Variants in IPO8 observed in about 807,000 individuals in gnomAD.
IPO8 encodes the protein importin 8.
In IPO8, 65 loss-of-function variants were observed where a neutral mutation model predicts 141.2. That is an observed-to-expected ratio of 0.46 (90% CI 0.38 to 0.57). The LOEUF (loss-of-function observed/expected upper bound fraction) is 0.57, where lower values mean the gene tolerates loss of function less well. IPO8 is among the 20% of genes least tolerant of loss of function. The pLI, the probability that IPO8 is intolerant of heterozygous loss-of-function variation, is 0.00. For missense variants in IPO8, 980 were observed against 1,246.8 expected (o/e 0.79, Z 3.22); for synonymous variants, 411 against 420.3 (o/e 0.98, Z 0.27).
At chr12:30,691,824 T>C (rs891146182) in intron 1 of IPO8, among the ~76,000 whole-genome samples, 3 of 152,240 alleles carry the variant, frequency 2.0e-5, no homozygotes, top group Admixed American at 2.0e-4. Context: ...TTTAAAAATA[T>C]TAATCTTTTT....
chr12:30,673,943 CT>C, intron 8 of IPO8, 46 bp downstream of exon 8: 1 of 1,160,816 alleles, frequency 8.6e-7, no homozygotes, highest in Non-Finnish European at 1.2e-6. Context: ...AATGCCTTTA[CT>C]TTCAGTAGTA....
intron 10 of IPO8, among the ~76,000 whole-genome samples, chr12:30,667,205 C>T (rs1280022394): frequency 6.6e-6 from 1 of 152,224 alleles, no homozygotes; most frequent in Non-Finnish European, 1.5e-5. Flanking sequence ...GTATTCTATG[C>T]TAAGCAGTTA....
rs187184384 is a variant in IPO8, at chr12:30,653,123, C to T, written c.1949-31G>A. 122 of 1,596,880 alleles carry T rather than the reference C, an allele frequency of 7.6e-5. No individual in the cohort carries two copies. In the African/African-American group the frequency reaches 1.5e-3, roughly 20 times the overall value. The stretch of plus-strand genomic sequence containing the variant: ...AGAAAGAAAATCTCTAGTTAGAATG[C>T]TAGGAAATAGCAAAAGTTAAAACAA... On this transcript the variant is annotated intron_variant, in intron 17 of 24. Transcript: ENST00000256079.
chr12:30,693,999 A>G (rs1400185454), intron 1 of IPO8, among the ~76,000 whole-genome samples: 2 of 152,182 alleles, frequency 1.3e-5, no homozygotes, highest in Admixed American at 6.5e-5. Flanking sequence ...TTCCACTTCT[A>G]TAACATCAAC....
At chr12:30,686,652 G>A (rs1412485528) in intron 2 of IPO8, 1 of 152,026 alleles carries the variant, frequency 6.6e-6, no homozygotes, top group Non-Finnish European at 1.5e-5. Context: ...TGATTTCACA[G>A]GATCAATCTT....
In IPO8 at chr12:30,630,162, T is replaced by TACC. The variant is rs1303096651; in HGVS notation, c.*695_*697dup. The TACC allele has an allele frequency of 2.0e-5, 3 of 151,876 alleles. No homozygotes were observed. The East Asian group carries it at 5.8e-4, about 29-fold the overall frequency. 9.4% of individuals were successfully genotyped at this position (151,876 alleles called of 1,614,324 possible). A position where few individuals can be genotyped will look rare whatever the true frequency, so the allele number is the denominator to read the frequency against. On this transcript the variant is annotated 3_prime_UTR_variant, in exon 25 of 25. Transcript: ENST00000256079. ...GTGTATTTGTTGACCCCAAAAGAAA[T>TACC]ACCACCCCTTTTCAAGGCAGAAAAA... is the stretch of plus-strand genomic sequence containing the variant.
intron 20 of IPO8, among the ~76,000 whole-genome samples, chr12:30,644,466 T>C (rs2052614979): frequency 6.6e-6 from 1 of 151,560 alleles, no homozygotes; most frequent in Non-Finnish European, 1.5e-5. Flanking sequence ...CAATAAAGCT[T>C]GGGGGTAGGC....
At chr12:30,661,463 AACTATTATATCC>A (rs1294150987) in intron 15 of IPO8, among the ~76,000 whole-genome samples, 197 bp from the exon 16 acceptor site, 1 of 152,180 alleles carries the variant, frequency 6.6e-6, no homozygotes, top group Admixed American at 6.5e-5. Context: ...TATTTACATT[AACTATTATATCC>A]AGAGAGCTAA....
Position 30,666,225 on chromosome 12 carries a change from T to G in IPO8, c.1171A>C (p.Thr391Pro), listed in dbSNP as rs965391201. The change falls in exon 11 of 25, where the codon ACC (threonine) becomes CCC (proline). Residue 391 changes from threonine to proline, a missense_variant. Around this residue, in one of 3 missense-constraint regions of IPO8, gnomAD observed 924 missense variants for 1,153.9 expected, o/e 0.80. Coordinates refer to ENST00000256079, the MANE Select transcript of IPO8 (RefSeq NM_006390.4). ...TATAAGAGAGTCTGGGCTGCTGTGG[T>G]GGGAGAAGCATAATCTTCAAAAATA... ...FDIFEDYASP[T>P]TAAQTLLYTA... 6.3e-7 allele frequency: 1 copy of G among 1,593,394 alleles called. No individual in the cohort carries two copies. The highest frequency in any genetic ancestry group is 1.4e-5 in the African/African-American group (1 of 73,976).
intron 8 of IPO8, among the ~76,000 whole-genome samples, chr12:30,672,394 C>T (rs1264865882): frequency 3.9e-5 from 6 of 152,232 alleles, no homozygotes; most frequent in East Asian, 3.9e-4. Flanking sequence ...CTTTCTAATA[C>T]AGATGTGGCT....
intron 19 of IPO8, among the ~76,000 whole-genome samples, chr12:30,650,551 C>G (rs1287309718): frequency 2.0e-5 from 3 of 152,016 alleles, no homozygotes; most frequent in Non-Finnish European, 4.4e-5. Flanking sequence ...AGGTTCAAAC[C>G]GCAGCTCTTC....
chr12:30,652,560 A>G (rs2052742812), intron 18 of IPO8, among the ~76,000 whole-genome samples: 2 of 151,872 alleles, frequency 1.3e-5, no homozygotes, highest in South Asian at 2.1e-4. Context: ...CATACTTTAT[A>G]TTTTCTTGCT....
At chr12:30,641,493 C>CTTTTTTTTTT (rs58656525) in intron 20 of IPO8, among the ~76,000 whole-genome samples, 42 of 135,040 alleles carry the variant, frequency 3.1e-4, no homozygotes, top group East Asian at 4.7e-4. Context: ...TAAGCTATTT[C>CTTTTTTTTTT]TTTTTTTTTT....
Position 30,684,393 on chromosome 12 carries a change from T to G in IPO8, c.231A>C (p.Glu77Asp). 6.2e-7 allele frequency: 1 copy of G among 1,614,186 alleles called. No homozygotes were observed. Among genetic ancestry groups the G allele is most frequent in the South Asian group, 1.1e-5 (1 of 91,080 alleles). Residue 77 changes from glutamate (E) to aspartate (D), a missense_variant, in exon 3 of 25, where the codon GAA becomes GAC. Glu to Asp is a conservative substitution (Grantham distance 45). This residue lies in a region of IPO8 where 924 missense variants were observed against 1,153.9 expected (regional missense o/e 0.80). Coordinates refer to ENST00000256079, the MANE Select transcript of IPO8 (RefSeq NM_006390.4). ...CGTGAATGTTGAATGGAAATATTGC[T>G]TCTCCTGGTGGAGGTTCTCGATCTG... Reference protein sequence around the residue: ...YWPDREPPPGEAIFPFNIHEN... With the variant: ...YWPDREPPPGDAIFPFNIHEN...
intron 2 of IPO8, among the ~76,000 whole-genome samples, chr12:30,690,130 C>T (rs891853359): frequency 1.3e-5 from 2 of 152,176 alleles, no homozygotes; most frequent in Non-Finnish European, 2.9e-5. Flanking sequence ...TAACAGAGCT[C>T]GAATTCACAT....
intron 8 of IPO8, among the ~76,000 whole-genome samples, chr12:30,672,170 T>A (rs1457671294): frequency 1.3e-5 from 2 of 152,166 alleles, no homozygotes; most frequent in African/African-American, 4.8e-5. Flanking sequence ...CAATTCCTGG[T>A]CTCCAGAGCT....
intron 17 of IPO8, among the ~76,000 whole-genome samples, chr12:30,656,158 TACAGAG>T (rs1382639786): frequency 2.6e-5 from 4 of 152,208 alleles, no homozygotes; most frequent in Admixed American, 1.3e-4. Flanking sequence ...CACTTCAGCC[TACAGAG>T]TAGCTGGCAC....
intron 2 of IPO8, among the ~76,000 whole-genome samples, chr12:30,689,985 C>CAACATCATGAAACAA (rs2053276128): frequency 6.6e-6 from 1 of 152,040 alleles, no homozygotes. Flanking sequence ...GATAAAAGAA[C>CAACATCATGAAACAA]GATGTACAAC....
rs941871852 is a variant in IPO8 at position 30,695,421 on chromosome 12, G to A, written c.84+143C>T. ...CTGCTCCACTGGACCGGGGGGCAGC[G>A]GGGTCGGAGAGCGGGACCAGCCGTG... is the stretch of plus-strand genomic sequence containing the variant. On this transcript the variant is annotated intron_variant, in intron 1 of 24. Coordinates refer to ENST00000256079, the MANE Select transcript of IPO8 (RefSeq NM_006390.4). This position sits in a 1 kb window ranked among gnomAD's most constrained non-coding sequence, Gnocchi z 4.2. The A allele has an allele frequency of 7.6e-6, 5 of 656,442 alleles. No individual in the cohort carries two copies. The highest frequency in any genetic ancestry group is 1.3e-5 in the Non-Finnish European group (5 of 375,692). 40.7% of individuals were successfully genotyped at this position (656,442 alleles called of 1,614,324 possible).
Sources: allele counts gnomAD v4.1 joint callset (sites outside exome capture counted in the v4.1 genomes callset), GRCh38; gene constraint gnomAD v4.1.1; regional missense constraint gnomAD v4.1.1; non-coding constraint Gnocchi (gnomAD v3.1); transcripts MANE v1.5; gene names NCBI Gene and HGNC (gene_info 2026-07-23, HGNC 2026-07-21).